CTNNA3: variants seen among roughly 807,000 people sequenced by gnomAD.
CTNNA3 encodes catenin alpha 3.
CTNNA3 carries 76 observed loss-of-function variants against 95.7 expected under a neutral mutation model. That is an observed-to-expected ratio of 0.79 (90% CI 0.66 to 0.96). CTNNA3 has a LOEUF of 0.96. Ranked by LOEUF, CTNNA3 falls within the 40% of genes least tolerant of loss-of-function variation. The pLI is 0.00. For missense variants in CTNNA3, 1,191 were observed against 1,089.8 expected (o/e 1.09, Z -1.31); for synonymous variants, 431 against 374.4 (o/e 1.15, Z -1.74).
At chr10:66,290,902 C>T (rs536188675) in intron 12 of CTNNA3, among the ~76,000 whole-genome samples, 1 of 152,250 alleles carries the variant, frequency 6.6e-6, no homozygotes, top group South Asian at 2.1e-4. Flanking sequence ...AACAAAAATG[C>T]TAATGATGTA....
intron 5 of CTNNA3, among the ~76,000 whole-genome samples, chr10:67,495,919 G>A (rs1235491548): frequency 6.6e-6 from 1 of 152,138 alleles, no homozygotes; most frequent in African/African-American, 2.4e-5. Flanking sequence ...TGGAAAATCT[G>A]TATTACTAAA....
At chr10:67,296,655 C>T (rs868027104) in intron 5 of CTNNA3, among the ~76,000 whole-genome samples, 2 of 152,070 alleles carry the variant, frequency 1.3e-5, no homozygotes, top group Admixed American at 6.5e-5. Flanking sequence ...AGTGCTGGGC[C>T]GGGCGTGGCA....
intron 1 of CTNNA3, among the ~76,000 whole-genome samples, chr10:67,669,793 G>T (rs1257477045): frequency 6.6e-6 from 1 of 152,100 alleles, no homozygotes; most frequent in East Asian, 1.9e-4. Flanking sequence ...CAAACAGATT[G>T]CCCCTTTGAT....
intron 7 of CTNNA3, among the ~76,000 whole-genome samples, chr10:66,924,957 T>G (rs1158570615): frequency 6.6e-6 from 1 of 152,180 alleles, no homozygotes; most frequent in African/African-American, 2.4e-5. Context: ...CTACGCTGCC[T>G]TAGTTTTTAT....
intron 10 of CTNNA3, among the ~76,000 whole-genome samples, chr10:66,521,417 C>T (rs567555327): frequency 7.8e-4 from 119 of 152,046 alleles, no homozygotes; most frequent in African/African-American, 2.6e-3. Context: ...AAATGGATGC[C>T]TTTAACAGAT....
intron 13 of CTNNA3, among the ~76,000 whole-genome samples, chr10:66,112,354 C>T (rs1410567916): frequency 6.6e-6 from 1 of 152,020 alleles, no homozygotes; most frequent in Non-Finnish European, 1.5e-5. Context: ...TTGTCAAAAT[C>T]AAGAATTGGT....
intron 3 of CTNNA3, among the ~76,000 whole-genome samples, chr10:67,544,568 T>A (rs954500508): frequency 3.9e-5 from 6 of 152,138 alleles, no homozygotes; most frequent in Non-Finnish European, 5.9e-5. Flanking sequence ...ACACTGATAA[T>A]CTGCACATGC....
chr10:66,803,363 T>C (rs1841505177), intron 7 of CTNNA3, among the ~76,000 whole-genome samples: 1 of 151,910 alleles, frequency 6.6e-6, no homozygotes. Flanking sequence ...CCTACACAAC[T>C]CTCACTTCGA....
At chr10:66,796,051 T>C (rs1162665526) in intron 7 of CTNNA3, among the ~76,000 whole-genome samples, 1 of 152,154 alleles carries the variant, frequency 6.6e-6, no homozygotes, top group African/African-American at 2.4e-5. Context: ...GCAATAAGGT[T>C]GTTTTGCTTT....
At chr10:66,290,282 G>A (rs1310670070) in intron 12 of CTNNA3, among the ~76,000 whole-genome samples, 1 of 151,966 alleles carries the variant, frequency 6.6e-6, no homozygotes, top group Non-Finnish European at 1.5e-5. Flanking sequence ...CATAATCAAA[G>A]TTAGGGAGCA....
intron 1 of CTNNA3, among the ~76,000 whole-genome samples, chr10:67,719,745 G>A (rs1589580138): frequency 6.6e-6 from 1 of 152,134 alleles, no homozygotes; most frequent in Admixed American, 6.6e-5. Flanking sequence ...TAGAATAAGT[G>A]CTATGTGGTG....
chr10:67,164,043 T>A (rs972105226), intron 7 of CTNNA3, among the ~76,000 whole-genome samples: 69 of 151,740 alleles, frequency 4.5e-4, no homozygotes, highest in Non-Finnish European at 8.3e-4. Context: ...ATATGTCAAT[T>A]CTCCTAAATT....
At chr10:66,865,139 A>G (rs1395349337) in intron 7 of CTNNA3, among the ~76,000 whole-genome samples, 1 of 152,042 alleles carries the variant, frequency 6.6e-6, no homozygotes, top group Non-Finnish European at 1.5e-5. Context: ...ATATTGAAGT[A>G]GATTGTTAAT....
intron 17 of CTNNA3, among the ~76,000 whole-genome samples, chr10:65,932,169 C>A: frequency 6.6e-6 from 1 of 152,222 alleles, no homozygotes; most frequent in Admixed American, 6.5e-5. Context: ...AGTCTGTTTT[C>A]TCCTCTGTTA....
chr10:66,709,391 G>A (rs545401950), intron 9 of CTNNA3, among the ~76,000 whole-genome samples: 2 of 152,112 alleles, frequency 1.3e-5, no homozygotes, highest in South Asian at 2.1e-4. Flanking sequence ...TGACTAGAAA[G>A]GATAATGAGT....
At chr10:67,474,426 A>G (rs1460646343) in intron 5 of CTNNA3, among the ~76,000 whole-genome samples, 2 of 152,220 alleles carry the variant, frequency 1.3e-5, no homozygotes, top group African/African-American at 4.8e-5. Flanking sequence ...GATACAGCTA[A>G]AAGGTGACTG....
At chr10:66,266,538 A>G (rs554984609) in intron 13 of CTNNA3, among the ~76,000 whole-genome samples, 31 of 152,142 alleles carry the variant, frequency 2.0e-4, no homozygotes, top group Non-Finnish European at 2.9e-4. Flanking sequence ...CTGTCAATTT[A>G]ACACCAACAT....
At chr10:67,638,932 C>A (rs181153644) in intron 2 of CTNNA3, among the ~76,000 whole-genome samples, 9,431 of 152,184 alleles carry the variant, frequency 0.062, 310 homozygotes, top group South Asian at 0.1. Context: ...GACACCCTAA[C>A]ATCACAATTA....
intron 15 of CTNNA3, among the ~76,000 whole-genome samples, chr10:66,005,105 T>TATC (rs905813264): frequency 5.9e-5 from 9 of 152,196 alleles, no homozygotes; most frequent in African/African-American, 2.2e-4. Flanking sequence ...CTCCAAAGGA[T>TATC]ATCACTAAAA....
Sources: gnomAD v4.1 joint callset for allele counts (sites outside exome capture counted in the v4.1 genomes callset) on GRCh38, gnomAD v4.1.1 for gene constraint, MANE v1.5 for transcripts, NCBI Gene and HGNC (gene_info 2026-07-23, HGNC 2026-07-21) for gene names.